The following HSPA4L variants were observed in gnomAD, a reference collection of about 807,000 sequenced individuals.
HSPA4L encodes heat shock protein family A (Hsp70) member 4 like.
A neutral mutation model predicts 100.3 loss-of-function variants in HSPA4L; 48 were observed. The observed-to-expected ratio is 0.48, with a 90% CI of 0.38 to 0.61. The LOEUF is 0.61. HSPA4L is among the 20% of genes least tolerant of loss of function. The pLI is 0.00. For synonymous variants in HSPA4L, 319 were observed against 328.2 expected, an observed-to-expected ratio of 0.97 and a Z score of 0.30; for missense variants, 886 against 988.6, an observed-to-expected ratio of 0.90 and a Z score of 1.39.
At position 127,840,061 on chromosome 4, in the gene HSPA4L, A is replaced by C. The variant is rs553470823; in HGVS notation, c.*7187A>C. 1 of 152,190 alleles carries C rather than the reference A, an allele frequency of 6.6e-6. No homozygotes were observed. Among genetic ancestry groups the C allele is most frequent in the South Asian group, 2.1e-4 (1 of 4,816 alleles). The allele number at this position is 152,190 out of a possible 1,614,324, so 9.4% of individuals were successfully genotyped here. On this transcript the variant is annotated 3_prime_UTR_variant, in exon 19 of 19. Transcript: ENST00000296464. ...GTGAAACCCCATCTCTACTAAAAAA[A>C]ATACAAAAATTAGCGGGGCCATGGT...
At position 127,822,099 on chromosome 4, in the gene HSPA4L, A is replaced by G. The variant is rs112029296; in HGVS notation, c.1813-670A>G. Among the ~76,000 whole-genome samples the G allele has an allele frequency of 6.8e-4, 104 of 152,300 alleles. No individual in the cohort carries two copies. The South Asian group carries it at 8.1e-3, about 12-fold the overall frequency. ...TTCAATGGCTTTAATTACATTCACC[A>G]TACTGTGCATCCATCACCACTGTCT... On this transcript the variant is annotated intron_variant, in intron 14 of 18. Transcript: ENST00000296464.
intron 17 of HSPA4L, among the ~76,000 whole-genome samples, chr4:127,828,557 A>G (rs1307664523): frequency 5.3e-5 from 8 of 152,272 alleles, no homozygotes; most frequent in Non-Finnish European, 5.9e-5. Flanking sequence ...CCCAGCAACT[A>G]TACTGCTTTC....
At chr4:127,783,429 TC>T in intron 1 of HSPA4L, 1 of 1,248,774 alleles carries the variant, frequency 8.0e-7, no homozygotes, top group Non-Finnish European at 1.0e-6. Context: ...GGGGCAGCTG[TC>T]CCGTATAAAC....
chr4:127,815,166 A>G (rs1306532468), intron 12 of HSPA4L, among the ~76,000 whole-genome samples: 1 of 152,068 alleles, frequency 6.6e-6, no homozygotes, highest in Non-Finnish European at 1.5e-5. Flanking sequence ...AGTTTATGAA[A>G]GACTATTTTG....
At chr4:127,823,992 G>C (rs1470392868) in intron 16 of HSPA4L, among the ~76,000 whole-genome samples, 1 of 152,076 alleles carries the variant, frequency 6.6e-6, no homozygotes, top group Non-Finnish European at 1.5e-5. Flanking sequence ...TGTGTCCTTT[G>C]ACCAGTAGCT....
chr4:127,783,624 C>A (rs1435415409), intron 1 of HSPA4L: 1 of 1,535,056 alleles, frequency 6.5e-7, no homozygotes. Flanking sequence ...GCTGCTGTTA[C>A]TGGTAATTTT....
chr4:127,834,241 C>CCAAT lies in HSPA4L; in HGVS notation c.*1371_*1374dup, dbSNP rs970468040. On this transcript the variant is annotated 3_prime_UTR_variant, in exon 19 of 19. Coordinates refer to ENST00000296464, the MANE Select transcript of HSPA4L (RefSeq NM_014278.4). ...TATATGAGCCCTTATGTCCTTAATG[C>CCAAT]CAATCAACTAGATTGACCTAGGTTA... 5.9e-5 allele frequency: 9 copies of CCAAT among 152,060 alleles called. No homozygotes were observed. The highest frequency in any genetic ancestry group is 3.9e-4 in the Admixed American group (6 of 15,264). 9.4% of individuals were successfully genotyped at this position (152,060 alleles called of 1,614,324 possible).
chr4:127,812,795 T>G, intron 12 of HSPA4L: 7 of 1,438,370 alleles, frequency 4.9e-6, no homozygotes, highest in Non-Finnish European at 5.9e-6. Flanking sequence ...TGTGCTGCTC[T>G]GGGTGGAGCA....
At chr4:127,827,665 A>G (rs1476878549) in intron 17 of HSPA4L, among the ~76,000 whole-genome samples, 1 of 152,136 alleles carries the variant, frequency 6.6e-6, no homozygotes, top group Non-Finnish European at 1.5e-5. Flanking sequence ...AAACTACATT[A>G]TAAAATAACC....
intron 11 of HSPA4L, among the ~76,000 whole-genome samples, chr4:127,810,911 G>T (rs1733508408): frequency 1.3e-5 from 2 of 152,068 alleles, no homozygotes; most frequent in Admixed American, 1.3e-4. Context: ...ATATATATGA[G>T]ATTTCTTTAG....
In HSPA4L at chr4:127,834,854, T is replaced by C. The variant is rs202125968; in HGVS notation, c.*1980T>C. On this transcript the variant is annotated 3_prime_UTR_variant, in exon 19 of 19. Coordinates refer to ENST00000296464, the MANE Select transcript of HSPA4L (RefSeq NM_014278.4). The stretch of plus-strand genomic sequence containing the variant: ...TAAATTTTCTAGTATATCCTGACAT[T>C]TTCCATTCCTGCTCTGAAGTCACTT... 11 of 152,278 alleles carry C rather than the reference T, an allele frequency of 7.2e-5. No individual in the cohort carries two copies. In the East Asian group the frequency reaches 1.9e-3, roughly 27 times the overall value. The allele number at this position is 152,278 out of a possible 1,614,324, so 9.4% of individuals were successfully genotyped here.
rs1212209530 is a variant in HSPA4L, at chr4:127,805,625, A to G, written c.1138-62A>G. 5 of 1,243,452 alleles carry G rather than the reference A, an allele frequency of 4.0e-6. No homozygotes were observed. In the East Asian group the frequency reaches 1.2e-4, roughly 29 times the overall value. The allele number at this position is 1,243,452 out of a possible 1,614,324, so 77.0% of individuals were successfully genotyped here. On this transcript the variant is annotated intron_variant, in intron 9 of 18. Coordinates refer to ENST00000296464, the MANE Select transcript of HSPA4L (RefSeq NM_014278.4). ...GAGGACTCTATTAAGCAGTTCAATCAGAGTAACCTAGGGTATGTTTTGTAT... is the reference window on the plus strand; with the variant it reads ...GAGGACTCTATTAAGCAGTTCAATCGGAGTAACCTAGGGTATGTTTTGTAT...
Position 127,833,052 on chromosome 4 carries a change from C to A in HSPA4L, c.*178C>A. ...GCACTTCTGTTCATTTCCATTGCTGCTTATATGCAGTGTTAGCCGAATTAG... is the reference window on the plus strand; with the variant it reads ...GCACTTCTGTTCATTTCCATTGCTGATTATATGCAGTGTTAGCCGAATTAG... On this transcript the variant is annotated 3_prime_UTR_variant, in exon 19 of 19. Coordinates refer to ENST00000296464, the MANE Select transcript of HSPA4L (RefSeq NM_014278.4). 1 of 452,744 alleles carries A rather than the reference C, an allele frequency of 2.2e-6. No individual in the cohort carries two copies. Among genetic ancestry groups the A allele is most frequent in the African/African-American group, 2.0e-5 (1 of 50,010 alleles). 28.0% of individuals were successfully genotyped at this position (452,744 alleles called of 1,614,324 possible). A position where few individuals can be genotyped will look rare whatever the true frequency, so the allele number is the denominator to read the frequency against.
chr4:127,821,884 T>C (rs1367964156), intron 14 of HSPA4L, among the ~76,000 whole-genome samples: 1 of 152,150 alleles, frequency 6.6e-6, no homozygotes, highest in Non-Finnish European at 1.5e-5. Context: ...AGATAGTAAA[T>C]AGGGAACCTA....
chr4:127,828,209 C>T lies in HSPA4L; in HGVS notation c.2166+785C>T, dbSNP rs564971734. On this transcript the variant is annotated intron_variant, in intron 17 of 18. Transcript: ENST00000296464. ...ATCATAAGCAGTGGCTGGATTTAGC[C>T]GATGGGACAAGTTTTTTAATCCCTA... 9.9e-5 allele frequency among the ~76,000 whole-genome samples: 15 copies of T among 152,142 alleles called. No homozygotes were observed. The South Asian group carries it at 2.1e-3, about 21-fold the overall frequency.
Position 127,834,840 on chromosome 4 carries a change from G to C in HSPA4L, c.*1966G>C, listed in dbSNP as rs1448327381. ...TCTATTAATACATCTAAATTTTCTA[G>C]TATATCCTGACATTTTCCATTCCTG... On this transcript the variant is annotated 3_prime_UTR_variant, in exon 19 of 19. Transcript: ENST00000296464. The C allele has an allele frequency of 6.6e-6, 1 of 152,090 alleles. No individual in the cohort carries two copies. The highest frequency in any genetic ancestry group is 1.5e-5 in the Non-Finnish European group (1 of 67,990). 9.4% of individuals were successfully genotyped at this position (152,090 alleles called of 1,614,324 possible).
upstream of HSPA4L, chr4:127,782,266 A>C: frequency 2.3e-6 from 1 of 432,724 alleles, no homozygotes; most frequent in East Asian, 5.0e-5. Context: ...CCTCCCGGGC[A>C]GCCGAGCGCG....
chr4:127,830,282 A>G (rs1037724730), intron 17 of HSPA4L, among the ~76,000 whole-genome samples: 1 of 152,128 alleles, frequency 6.6e-6, no homozygotes, highest in Admixed American at 6.5e-5. Context: ...TCTGTTATAT[A>G]TTCATAATTT....
At chr4:127,813,494 T>G (rs1733596089) in intron 12 of HSPA4L, 1 of 243,914 alleles carries the variant, frequency 4.1e-6, no homozygotes, top group South Asian at 9.2e-5. Context: ...TTTCATAAAT[T>G]AACATAATAA....
Sources: gnomAD v4.1 joint callset for allele counts (sites outside exome capture counted in the v4.1 genomes callset) on GRCh38, gnomAD v4.1.1 for gene constraint, MANE v1.5 for transcripts, NCBI Gene and HGNC (gene_info 2026-07-23, HGNC 2026-07-21) for gene names.